Variants in DOT1L observed in about 807,000 individuals in gnomAD.
The protein encoded by DOT1L is histone-lysine N-methyltransferase, H3 lysine-79 specific.
DOT1L carries 33 observed loss-of-function variants against 153.3 expected under a neutral mutation model. The ratio of observed to expected loss-of-function variants is 0.22; its 90% CI spans 0.16 to 0.29. DOT1L has a LOEUF of 0.29. Among genes scored for constraint, DOT1L ranks in the 10% least tolerant of loss-of-function variants. The pLI, the probability that DOT1L is intolerant of heterozygous loss-of-function variation, is 1.00. For synonymous variants in DOT1L, 1,135 were observed against 965.1 expected (o/e 1.18, Z -3.26); for missense variants, 1,847 against 2,119.9 (o/e 0.87, Z 2.53).
At chr19:2,203,064 G>A (rs796271771) in intron 9 of DOT1L, among the ~76,000 whole-genome samples, 1 of 151,890 alleles carries the variant, frequency 6.6e-6, no homozygotes, top group African/African-American at 2.4e-5. Flanking sequence ...TGGGACTACG[G>A]GTCTGTGCCA....
At chr19:2,196,726 G>C (rs963749806) in intron 7 of DOT1L, among the ~76,000 whole-genome samples, 1 of 152,038 alleles carries the variant, frequency 6.6e-6, no homozygotes, top group South Asian at 2.1e-4. Flanking sequence ...TCCCTTTCCC[G>C]TACCCTCGTG....
intron 1 of DOT1L, among the ~76,000 whole-genome samples, chr19:2,164,727 G>T (rs1336453820): frequency 1.3e-5 from 2 of 152,136 alleles, no homozygotes; most frequent in South Asian, 2.1e-4. Context: ...ACTCGGGCAC[G>T]GCGGGCCCGA....
chr19:2,181,875 T>G (rs2022256604), intron 2 of DOT1L, among the ~76,000 whole-genome samples: 1 of 151,948 alleles, frequency 6.6e-6, no homozygotes, highest in Non-Finnish European at 1.5e-5. Context: ...GGGCCAAGAC[T>G]CTGCTGGCGT....
intron 1 of DOT1L, among the ~76,000 whole-genome samples, chr19:2,177,637 C>G (rs930827493): frequency 2.6e-5 from 4 of 152,158 alleles, no homozygotes; most frequent in Non-Finnish European, 4.4e-5. Flanking sequence ...TCTTTAGCCA[C>G]CTTTGAGCAA....
intron 1 of DOT1L, among the ~76,000 whole-genome samples, chr19:2,171,827 G>A (rs1233239248): frequency 5.3e-5 from 8 of 152,158 alleles, no homozygotes; most frequent in Non-Finnish European, 8.8e-5. Context: ...CCTCGTTTGC[G>A]GGCTGCAGCT....
intron 1 of DOT1L, among the ~76,000 whole-genome samples, chr19:2,176,716 C>T (rs1326114368): frequency 2.0e-5 from 3 of 152,234 alleles, no homozygotes; most frequent in Non-Finnish European, 4.4e-5. Context: ...GCAAACACTG[C>T]CAGCCAGACA....
chr19:2,213,891 C>A lies in DOT1L; in HGVS notation c.1702C>A (p.Gln568Lys). The A allele has an allele frequency of 1.2e-6, 2 of 1,613,130 alleles. No homozygotes were observed. Among genetic ancestry groups the A allele is most frequent in the Non-Finnish European group, 8.5e-7 (1 of 1,180,044 alleles). The change falls in exon 18 of 28, where the codon CAG becomes AAG. Residue 568 changes from glutamine (Q) to lysine (K), a missense_variant. Coordinates refer to ENST00000398665, the MANE Select transcript of DOT1L (RefSeq NM_032482.3). ...GACCTACAACGACCTGATTCAAGCG[C>A]AGAAGGAGATCTCCGCCCATAACCA... ...ALTYNDLIQA[Q>K]KEISAHNQQL...
intron 1 of DOT1L, among the ~76,000 whole-genome samples, chr19:2,177,088 G>A (rs184443023): frequency 1.6e-4 from 24 of 152,276 alleles, no homozygotes; most frequent in African/African-American, 4.6e-4. Context: ...GCAACATCCC[G>A]CAGCAGTCTG....
rs1301907214 is a variant in DOT1L, at chr19:2,211,989, TA to T, written c.1557+148del. The stretch of plus-strand genomic sequence containing the variant: ...GCTCACCTGCTGCGAGAAACAAACC[TA>T]CCCGTTTAAACCCAAAGAATGGACT... On this transcript the variant is annotated intron_variant, in intron 16 of 27. Coordinates refer to ENST00000398665, the MANE Select transcript of DOT1L (RefSeq NM_032482.3). The T allele has an allele frequency of 7.1e-6, 5 of 701,810 alleles. No homozygotes were observed. The East Asian group carries it at 8.5e-5, about 12-fold the overall frequency. The allele number at this position is 701,810 out of a possible 1,614,324, so 43.5% of individuals were successfully genotyped here.
rs377178489 is a variant in DOT1L at position 2,232,358 on chromosome 19, C to T, written c.*2566C>T. 9.9e-6 allele frequency: 2 copies of T among 201,272 alleles called. No homozygotes were observed. The highest frequency in any genetic ancestry group is 2.3e-5 in the African/African-American group (1 of 43,108). The allele number at this position is 201,272 out of a possible 1,614,324, so 12.5% of individuals were successfully genotyped here. A position where few individuals can be genotyped will look rare whatever the true frequency, so the allele number is the denominator to read the frequency against. On this transcript the variant is annotated 3_prime_UTR_variant, in exon 28 of 28. Coordinates refer to ENST00000398665, the MANE Select transcript of DOT1L (RefSeq NM_032482.3). Reference sequence around the variant, plus strand: ...CCCCCCACCCCCCGCCGACTGCCCTCGCCATCGTGGTCAGACCCCCCTCCC... The same window carrying T: ...CCCCCCACCCCCCGCCGACTGCCCTTGCCATCGTGGTCAGACCCCCCTCCC...
chr19:2,179,937 G>C (rs1298340978), intron 1 of DOT1L, among the ~76,000 whole-genome samples: 1 of 152,128 alleles, frequency 6.6e-6, no homozygotes, highest in Non-Finnish European at 1.5e-5. Context: ...GAAAGTGCAC[G>C]TGTCCTGGTG....
At chr19:2,228,758 C>G in intron 27 of DOT1L, 1 of 985,424 alleles carries the variant, frequency 1.0e-6, no homozygotes, top group Middle Eastern at 5.2e-4. Context: ...GCCCAGGTCA[C>G]TCATGACGGG....
In DOT1L at chr19:2,167,811, C is replaced by T. The variant is rs368162442; in HGVS notation, c.81+3546C>T. On this transcript the variant is annotated intron_variant, in intron 1 of 27. Coordinates refer to ENST00000398665, the MANE Select transcript of DOT1L (RefSeq NM_032482.3). ...AGTGCAGTGGCACAATCTCCACTCA[C>T]TGCAAGCTCCGCCTCCCAGGTTTCA... Among the ~76,000 whole-genome samples the T allele has an allele frequency of 5.3e-5, 8 of 150,878 alleles. No individual in the cohort carries two copies. In the East Asian group the frequency reaches 7.8e-4, roughly 15 times the overall value.
intron 9 of DOT1L, among the ~76,000 whole-genome samples, chr19:2,203,081 T>C (rs2144795332): frequency 6.6e-6 from 1 of 151,974 alleles, no homozygotes; most frequent in South Asian, 2.1e-4. Context: ...GCCACCATGC[T>C]CAGCTAATTT....
intron 3 of DOT1L, among the ~76,000 whole-genome samples, chr19:2,188,658 G>A (rs2022656194): frequency 6.6e-6 from 1 of 152,164 alleles, no homozygotes; most frequent in South Asian, 2.1e-4. Context: ...CACTGTGTGT[G>A]ACAGTGTTCA....
chr19:2,190,390 C>T lies in DOT1L; in HGVS notation c.264+595C>T, dbSNP rs948209264. On this transcript the variant is annotated intron_variant, in intron 4 of 27. Transcript: ENST00000398665. This position sits in a 1 kb window ranked among gnomAD's most constrained non-coding sequence, Gnocchi z 4.8. ...TGAAGGTCTTGCTGTGGAGGGAGCC[C>T]TGGTGGGGGTGGCATGGGCTCACTT... Among the ~76,000 whole-genome samples, 13 of 152,020 alleles carry T rather than the reference C, an allele frequency of 8.6e-5. No homozygotes were observed. Among genetic ancestry groups the T allele is most frequent in the African/African-American group, 2.9e-4 (12 of 41,366 alleles).
Position 2,207,486 on chromosome 19 carries a change from G to T in DOT1L, c.857-88G>T. 1 of 1,135,440 alleles carries T rather than the reference G, an allele frequency of 8.8e-7. No homozygotes were observed. The highest frequency in any genetic ancestry group is 1.3e-6 in the Non-Finnish European group (1 of 792,624). 70.3% of individuals were successfully genotyped at this position (1,135,440 alleles called of 1,614,324 possible). On this transcript the variant is annotated intron_variant, in intron 10 of 27. Coordinates refer to ENST00000398665, the MANE Select transcript of DOT1L (RefSeq NM_032482.3). This position sits in a 1 kb window ranked among gnomAD's most constrained non-coding sequence, Gnocchi z 4.5. ...GGGAAGACGCGCAGCTCAGGCTTCT[G>T]TCCCCACGCCTGCCCTGGGGTGGGT...
Position 2,164,011 on chromosome 19 carries a change from G to C in DOT1L, c.-174G>C. The C allele has an allele frequency of 4.1e-6, 1 of 244,218 alleles. No individual in the cohort carries two copies. Among genetic ancestry groups the C allele is most frequent in the Non-Finnish European group, 7.0e-6 (1 of 141,874 alleles). The allele number at this position is 244,218 out of a possible 1,614,324, so 15.1% of individuals were successfully genotyped here. A position where few individuals can be genotyped will look rare whatever the true frequency, so the allele number is the denominator to read the frequency against. ...CCTGTGACTACAAAGAGGGAGTCGG[G>C]GGCCGGGCCGGACCGGAGCGCGGCG... On this transcript the variant is annotated 5_prime_UTR_variant, in exon 1 of 28. Transcript: ENST00000398665.
rs995071306 is a variant in DOT1L, at chr19:2,190,234, T to C, written c.264+439T>C. ...TTGGGCACCCCGGTCCTGCTGTGTCTCGTGAGGCTTTCCTCACAGAGGACG... is the reference window on the plus strand; with the variant it reads ...TTGGGCACCCCGGTCCTGCTGTGTCCCGTGAGGCTTTCCTCACAGAGGACG... On this transcript the variant is annotated intron_variant, in intron 4 of 27. Transcript: ENST00000398665. This position sits in a 1 kb window ranked among gnomAD's most constrained non-coding sequence, Gnocchi z 4.8. Among the ~76,000 whole-genome samples the C allele has an allele frequency of 6.6e-6, 1 of 152,134 alleles. No individual in the cohort carries two copies. Among genetic ancestry groups the C allele is most frequent in the African/African-American group, 2.4e-5 (1 of 41,434 alleles).
Sources: gnomAD v4.1 joint callset for allele counts (sites outside exome capture counted in the v4.1 genomes callset) on GRCh38, gnomAD v4.1.1 for gene constraint, Gnocchi (gnomAD v3.1) non-coding constraint, MANE v1.5 for transcripts, NCBI Gene and HGNC (gene_info 2026-07-23, HGNC 2026-07-21) for gene names.